Variants in RICTOR observed in about 807,000 individuals in gnomAD.
RICTOR encodes the protein RPTOR independent companion of MTOR complex 2, also known as rapamycin-insensitive companion of mTOR.
Under a neutral mutation model 214.9 loss-of-function variants are expected in RICTOR, and 49 were observed. The ratio of observed to expected loss-of-function variants is 0.23; its 90% CI spans 0.18 to 0.29. The LOEUF (loss-of-function observed/expected upper bound fraction) is 0.29, where lower values mean the gene tolerates loss of function less well. RICTOR is among the 10% of genes least tolerant of loss of function. RICTOR has a pLI of 1.00. For synonymous variants in RICTOR, 717 were observed against 711.3 expected, an observed-to-expected ratio of 1.01 and a Z score of -0.13; for missense variants, 1,625 against 2,047.0, an observed-to-expected ratio of 0.79 and a Z score of 3.98.
At chr5:38,991,376 A>G (rs1475379387) in intron 6 of RICTOR, among the ~76,000 whole-genome samples, 2 of 152,130 alleles carry the variant, frequency 1.3e-5, no homozygotes, top group African/African-American at 4.8e-5. Context: ...TAAATCTTAA[A>G]CAGTTTTTCA....
chr5:39,070,393 C>T (rs1466286853), intron 2 of RICTOR, among the ~76,000 whole-genome samples: 2 of 151,936 alleles, frequency 1.3e-5, no homozygotes, highest in African/African-American at 4.8e-5. Context: ...GGCGTGAACC[C>T]GGGAAGCGGA....
In RICTOR at chr5:38,940,019, C is replaced by CTT. The variant is rs35397307; in HGVS notation, c.*2283_*2284dup. On this transcript the variant is annotated 3_prime_UTR_variant, in exon 38 of 38. Coordinates refer to ENST00000357387, the MANE Select transcript of RICTOR (RefSeq NM_152756.5). Reference sequence around the variant, plus strand: ...ATAGCACTATAAATTTAAGCGTAGACTTTTTTTTTTTTTTAGTATACTGAT... The same window carrying CTT: ...ATAGCACTATAAATTTAAGCGTAGACTTTTTTTTTTTTTTTTAGTATACTGAT... 5,219 of 201,532 alleles carry CTT rather than the reference C, an allele frequency of 0.026. 85 individuals are homozygous for CTT. The highest frequency in any genetic ancestry group is 0.06 in the African/African-American group (2,495 of 41,300). 12.5% of individuals were successfully genotyped at this position (201,532 alleles called of 1,614,324 possible).
chr5:38,971,955 A>G lies in RICTOR; in HGVS notation c.894T>C (p.Ile298=). Reference sequence around the variant, plus strand: ...AATTTCCAGGTTTACATAAATTAATAATACCTAAAGAGGACAGAAAGAAAA... The same window carrying G: ...AATTTCCAGGTTTACATAAATTAATGATACCTAAAGAGGACAGAAAGAAAA... ...IIATFRSWAG[I]INLCKPGNSG... Residue 298 remains isoleucine, a synonymous_variant, in exon 11 of 38, where the codon ATT becomes ATC. Transcript: ENST00000357387. 1.5e-6 allele frequency: 2 copies of G among 1,366,090 alleles called. No individual in the cohort carries two copies. Among genetic ancestry groups the G allele is most frequent in the Non-Finnish European group, 1.0e-6 (1 of 962,412 alleles). 84.6% of individuals were successfully genotyped at this position (1,366,090 alleles called of 1,614,324 possible). A position where few individuals can be genotyped will look rare whatever the true frequency, so the allele number is the denominator to read the frequency against.
intron 2 of RICTOR, among the ~76,000 whole-genome samples, chr5:39,046,388 A>AG (rs1757502498): frequency 6.6e-6 from 1 of 151,326 alleles, no homozygotes; most frequent in Admixed American, 6.6e-5. Context: ...AAAAAAAAAA[A>AG]AAGAAGAAGA....
intron 2 of RICTOR, among the ~76,000 whole-genome samples, chr5:39,023,348 G>A (rs1483382989): frequency 1.3e-5 from 2 of 150,392 alleles, no homozygotes; most frequent in African/African-American, 2.4e-5. Context: ...AAGTTACATA[G>A]AGCAAAGCAA....
Position 38,940,330 on chromosome 5 carries a change from G to GT in RICTOR, c.*1973_*1974insA, listed in dbSNP as rs1747422372. ...GATTTTTATACTCTATATTAACTGA[G>GT]GTAGTGTTTAAAATGAATGTCTAAA... On this transcript the variant is annotated 3_prime_UTR_variant, in exon 38 of 38. Transcript: ENST00000357387. 1 of 230,778 alleles carries GT rather than the reference G, an allele frequency of 4.3e-6. No individual in the cohort carries two copies. Among genetic ancestry groups the GT allele is most frequent in the Non-Finnish European group, 8.6e-6 (1 of 116,482 alleles). 14.3% of individuals were successfully genotyped at this position (230,778 alleles called of 1,614,324 possible). A position where few individuals can be genotyped will look rare whatever the true frequency, so the allele number is the denominator to read the frequency against.
intron 12 of RICTOR, 44 bp from the exon 13 acceptor site, chr5:38,967,471 G>A: frequency 7.2e-7 from 1 of 1,380,526 alleles, no homozygotes; most frequent in Non-Finnish European, 1.0e-6. Flanking sequence ...AGATATCACT[G>A]AAACATTTCA....
At chr5:39,038,960 A>T (rs1321007990) in intron 2 of RICTOR, among the ~76,000 whole-genome samples, 1 of 152,152 alleles carries the variant, frequency 6.6e-6, no homozygotes, top group African/African-American at 2.4e-5. Flanking sequence ...GAATTGGAAA[A>T]AACTACTTTA....
intron 28 of RICTOR, 135 bp downstream of exon 28, chr5:38,953,326 G>A (rs1561450716): frequency 3.8e-6 from 2 of 531,304 alleles, no homozygotes; most frequent in Admixed American, 3.4e-5. Flanking sequence ...CACTTATATT[G>A]GCAGGAACAA....
chr5:39,053,869 G>A (rs1184123515), intron 2 of RICTOR, among the ~76,000 whole-genome samples: 2 of 137,126 alleles, frequency 1.5e-5, no homozygotes, highest in African/African-American at 3.0e-5. Flanking sequence ...CTCCAGCCTG[G>A]GCGACAGCGA....
At chr5:39,043,282 G>A (rs1462987259) in intron 2 of RICTOR, among the ~76,000 whole-genome samples, 1 of 152,042 alleles carries the variant, frequency 6.6e-6, no homozygotes, top group African/African-American at 2.4e-5. Context: ...TGGTATATAT[G>A]CACAATGGAA....
chr5:39,008,073 A>C (rs1754212078), intron 3 of RICTOR, among the ~76,000 whole-genome samples: 1 of 151,730 alleles, frequency 6.6e-6, no homozygotes, highest in Non-Finnish European at 1.5e-5. Flanking sequence ...TAAAGGAGGA[A>C]CTTCATGAGG....
chr5:38,986,464 T>C (rs1580002618), intron 7 of RICTOR, among the ~76,000 whole-genome samples: 1 of 152,220 alleles, frequency 6.6e-6, no homozygotes, highest in East Asian at 1.9e-4. Flanking sequence ...TACTGGAATT[T>C]AGACAATTCC....
chr5:38,998,347 G>A (rs1325371653), intron 5 of RICTOR, among the ~76,000 whole-genome samples: 1 of 152,074 alleles, frequency 6.6e-6, no homozygotes, highest in East Asian at 1.9e-4. Flanking sequence ...CACCATGCCT[G>A]GCTAATTTTT....
chr5:38,990,508 T>C (rs954866891), intron 7 of RICTOR, among the ~76,000 whole-genome samples: 7 of 150,554 alleles, frequency 4.6e-5, no homozygotes, highest in Non-Finnish European at 8.9e-5. Flanking sequence ...ATATACGATA[T>C]ATACACGATA....
chr5:39,051,042 T>TACACACACAC (rs111723153), intron 2 of RICTOR, among the ~76,000 whole-genome samples: 51 of 145,748 alleles, frequency 3.5e-4, no homozygotes, highest in Admixed American at 6.8e-4. Flanking sequence ...TACATATATA[T>TACACACACAC]ACACACACAC....
intron 24 of RICTOR, among the ~76,000 whole-genome samples, chr5:38,958,132 G>A (rs577713356): frequency 1.3e-5 from 2 of 152,140 alleles, no homozygotes; most frequent in Non-Finnish European, 2.9e-5. Context: ...AGCTACTTGG[G>A]AGGCTGAGGC....
chr5:38,942,442 T>C, intron 37 of RICTOR, 64 bp from the exon 38 acceptor site: 4 of 889,292 alleles, frequency 4.5e-6, no homozygotes, highest in Non-Finnish European at 6.7e-6. Flanking sequence ...CATATTTATA[T>C]AAATATCTAA....
chr5:39,010,664 G>C (rs918900190), intron 3 of RICTOR, among the ~76,000 whole-genome samples: 1 of 152,224 alleles, frequency 6.6e-6, no homozygotes, highest in Non-Finnish European at 1.5e-5. Context: ...TGGAATAAAG[G>C]TGATACTTGC....
Sources: allele counts gnomAD v4.1 joint callset (sites outside exome capture counted in the v4.1 genomes callset), GRCh38; gene constraint gnomAD v4.1.1; transcripts MANE v1.5; gene names NCBI Gene and HGNC (gene_info 2026-07-23, HGNC 2026-07-21).